CEP162: variants seen among roughly 807,000 people sequenced by gnomAD.
The protein encoded by CEP162 is centrosomal protein 162.
In CEP162, 141 loss-of-function variants were observed where a neutral mutation model predicts 169.2. The observed-to-expected ratio is 0.83, with a 90% CI of 0.73 to 0.96. The LOEUF (loss-of-function observed/expected upper bound fraction) is 0.96, where lower values mean the gene tolerates loss of function less well. Among genes scored for constraint, CEP162 ranks in the 40% least tolerant of loss-of-function variants. The pLI is 0.00. For synonymous variants in CEP162, 540 were observed against 526.4 expected (o/e 1.03, Z -0.35); for missense variants, 1,600 against 1,587.2 (o/e 1.01, Z -0.14).
intron 6 of CEP162, among the ~76,000 whole-genome samples, chr6:84,205,467 A>C (rs1459715549): frequency 1.3e-5 from 2 of 152,194 alleles, no homozygotes; most frequent in Admixed American, 1.3e-4. Flanking sequence ...AAAAACAAAA[A>C]CCACATGATT....
At chr6:84,155,635 G>T (rs990229124) in intron 21 of CEP162, 125 bp from the exon 22 acceptor site, 1 of 648,884 alleles carries the variant, frequency 1.5e-6, no homozygotes, top group Non-Finnish European at 2.6e-6. Context: ...TAACAATCTT[G>T]CTGAGGACCA....
chr6:84,175,648 T>G (rs2099532108), intron 13 of CEP162, among the ~76,000 whole-genome samples: 1 of 152,212 alleles, frequency 6.6e-6, no homozygotes, highest in Non-Finnish European at 1.5e-5. Context: ...CTTTCAGAGT[T>G]TATTAGTTTT....
chr6:84,207,960 G>T (rs1182072701), intron 6 of CEP162, among the ~76,000 whole-genome samples: 4 of 151,438 alleles, frequency 2.6e-5, no homozygotes, highest in Non-Finnish European at 2.9e-5. Flanking sequence ...TAAAAGGAAG[G>T]ACCTTTGTGA....
intron 25 of CEP162, among the ~76,000 whole-genome samples, chr6:84,141,136 G>A (rs1158991537): frequency 3.3e-5 from 5 of 152,146 alleles, no homozygotes; most frequent in Non-Finnish European, 7.3e-5. Flanking sequence ...GAGAGGCCTG[G>A]TTCCTAACAG....
chr6:84,153,023 C>T lies in CEP162; in HGVS notation c.3151G>A (p.Val1051Ile), dbSNP rs929031030. 53 of 1,613,328 alleles carry T rather than the reference C, an allele frequency of 3.3e-5. No individual in the cohort carries two copies. Among genetic ancestry groups the T allele is most frequent in the Non-Finnish European group, 4.1e-5 (48 of 1,179,710 alleles). Reference protein sequence around the residue: ...TVRNLEAEIDVLKHQNAELDV... With the variant: ...TVRNLEAEIDILKHQNAELDV... Reference sequence around the variant, plus strand: ...AATTCAGCATTCTGATGTTTAAGAACGTCTATTTCGGCTTCAAGGTTTCTT... The same window carrying T: ...AATTCAGCATTCTGATGTTTAAGAATGTCTATTTCGGCTTCAAGGTTTCTT... Residue 1051 changes from valine to isoleucine, a missense_variant, in exon 23 of 27, where the codon GTT becomes ATT. Transcript: ENST00000403245.
In CEP162 at chr6:84,146,756, A is replaced by G. The variant is rs1377932197; in HGVS notation, c.3801T>C (p.Val1267=). 6.3e-7 allele frequency: 1 copy of G among 1,577,504 alleles called. No individual in the cohort carries two copies. The highest frequency in any genetic ancestry group is 8.6e-7 in the Non-Finnish European group (1 of 1,159,600). Residue 1267 remains valine (V), a synonymous_variant, in exon 25 of 27, where the codon GTT becomes GTC. Transcript: ENST00000403245. ...ACTCTTGTTTACTCTGCAGCTCATT[A>G]ACTTGACTTTGGAAATGTCTTATAA... ...EVLIRHFQSQ[V]NELQSKQESL...
intron 24 of CEP162, among the ~76,000 whole-genome samples, chr6:84,147,670 A>G (rs1230801166): frequency 6.6e-6 from 1 of 152,166 alleles, no homozygotes; most frequent in Non-Finnish European, 1.5e-5. Flanking sequence ...CATGACTAGA[A>G]AAAGTCCTTT....
At chr6:84,165,593 G>C (rs769891225) in intron 18 of CEP162, among the ~76,000 whole-genome samples, 2 of 151,998 alleles carry the variant, frequency 1.3e-5, no homozygotes, top group Non-Finnish European at 1.5e-5. Context: ...GCTCTACGGG[G>C]ACCAACACTG....
chr6:84,127,367 A>C (rs1427686110), intron 25 of CEP162, among the ~76,000 whole-genome samples: 3 of 152,126 alleles, frequency 2.0e-5, no homozygotes, highest in Non-Finnish European at 4.4e-5. Flanking sequence ...TTAGTTGAAA[A>C]ACATGCAAAG....
At chr6:84,201,232 T>C (rs2099544331) in intron 8 of CEP162, among the ~76,000 whole-genome samples, 1 of 152,056 alleles carries the variant, frequency 6.6e-6, no homozygotes, top group South Asian at 2.1e-4. Flanking sequence ...GAGCCAAGAT[T>C]ACACCATTGC....
chr6:84,175,472 G>A (rs1359246), intron 13 of CEP162, 125 bp from the exon 14 acceptor site: 26,643 of 633,306 alleles, frequency 0.042, 757 homozygotes, highest in Admixed American at 0.097. Flanking sequence ...ATAGGCTGAT[G>A]GACTACACTA....
chr6:84,135,058 C>T (rs1175924473), intron 25 of CEP162, among the ~76,000 whole-genome samples: 1 of 151,432 alleles, frequency 6.6e-6, no homozygotes, highest in Non-Finnish European at 1.5e-5. Flanking sequence ...AGAACCATAT[C>T]CACAATATTT....
intron 25 of CEP162, among the ~76,000 whole-genome samples, chr6:84,128,418 T>C (rs1391687506): frequency 1.3e-5 from 2 of 152,088 alleles, no homozygotes; most frequent in African/African-American, 2.4e-5. Context: ...TTAAAAAAAC[T>C]GGAAACAACC....
At chr6:84,223,530 A>AATAAAT (rs57429448) in intron 2 of CEP162, among the ~76,000 whole-genome samples, 1 of 146,706 alleles carries the variant, frequency 6.8e-6, no homozygotes, top group African/African-American at 2.6e-5. Context: ...TAAATAAATA[A>AATAAAT]AAATAAAAAT....
At position 84,131,796 on chromosome 6, in the gene CEP162, G is replaced by A. The variant is rs540062810; in HGVS notation, c.3871-5284C>T. ...CTGATGGGTTTTGACTCTTTATCCA[G>A]TTTGCCAGTCTGTGTCTTTTAATTG... On this transcript the variant is annotated intron_variant, in intron 25 of 26. Transcript: ENST00000403245. 3.4e-3 allele frequency among the ~76,000 whole-genome samples: 515 copies of A among 152,156 alleles called. 2 individuals are homozygous for A. Among genetic ancestry groups the A allele is most frequent in the African/African-American group, 0.012 (492 of 41,504 alleles).
At chr6:84,147,140 G>A (rs1489147969) in intron 24 of CEP162, among the ~76,000 whole-genome samples, 2 of 151,970 alleles carry the variant, frequency 1.3e-5, no homozygotes, top group African/African-American at 4.8e-5. Flanking sequence ...TATACCCAAT[G>A]GAATACAATT....
intron 11 of CEP162, among the ~76,000 whole-genome samples, chr6:84,190,361 G>A (rs926232893): frequency 1.3e-5 from 2 of 152,168 alleles, no homozygotes; most frequent in Non-Finnish European, 1.5e-5. Context: ...GGTGGGGCCA[G>A]ATAAGAGAAT....
At chr6:84,151,421 G>C (rs1226055218) in intron 23 of CEP162, among the ~76,000 whole-genome samples, 1 of 151,950 alleles carries the variant, frequency 6.6e-6, no homozygotes, top group Non-Finnish European at 1.5e-5. Flanking sequence ...AATAAATATA[G>C]ACAGGGAAGG....
In CEP162 at chr6:84,212,947, A is replaced by G. The variant is rs1562091009; in HGVS notation, c.571+10T>C. On this transcript the variant is annotated intron_variant, in intron 6 of 26. Coordinates refer to ENST00000403245, the MANE Select transcript of CEP162 (RefSeq NM_014895.4). ...TCAAATATTATAAATTTAAGAACCA[A>G]TGAAATTACCTGCCAGTTCTTCATG... The G allele has an allele frequency of 2.0e-6, 3 of 1,498,138 alleles. No homozygotes were observed. Among genetic ancestry groups the G allele is most frequent in the East Asian group, 4.9e-5 (2 of 40,748 alleles). 92.8% of individuals were successfully genotyped at this position (1,498,138 alleles called of 1,614,324 possible).
Sources: allele counts gnomAD v4.1 joint callset (sites outside exome capture counted in the v4.1 genomes callset), GRCh38; gene constraint gnomAD v4.1.1; transcripts MANE v1.5; gene names NCBI Gene and HGNC (gene_info 2026-07-23, HGNC 2026-07-21).